TOX4: variants seen among roughly 807,000 people sequenced by gnomAD.
The protein encoded by TOX4 is epidermal Langerhans cell protein LCP1.
In TOX4, 12 loss-of-function variants were observed where a neutral mutation model predicts 61.0. The observed-to-expected ratio is 0.20, with a 90% CI of 0.13 to 0.32. The LOEUF is 0.32. Among genes scored for constraint, TOX4 ranks in the 10% least tolerant of loss-of-function variants. The pLI is 1.00. For synonymous variants in TOX4, 268 were observed against 274.8 expected (o/e 0.98, Z 0.24); for missense variants, 499 against 753.3 (o/e 0.66, Z 3.95).
chr14:21,477,421 G>C, intron 1 of TOX4, 75 bp from the exon 2 acceptor site: 1 of 1,610,222 alleles, frequency 6.2e-7, no homozygotes, highest in East Asian at 2.2e-5. Flanking sequence ...CAGAATGTCA[G>C]GGTCAAAAGC....
intron 8 of TOX4, 81 bp from the exon 9 acceptor site, chr14:21,496,465 C>CAAA: frequency 9.2e-7 from 1 of 1,087,060 alleles, no homozygotes; most frequent in Non-Finnish European, 1.3e-6. Context: ...AGGTCCGTCT[C>CAAA]AAAAAAAAAA....
rs1891006574 is a variant in TOX4, at chr14:21,477,249, G to A, written c.-30G>A. On this transcript the variant is annotated 5_prime_UTR_variant, in exon 1 of 9. Transcript: ENST00000448790. Reference sequence around the variant, plus strand: ...AGTGGGGGCGGTGGGAGCGATGAGGGTCTGAGACGGTGGGAGCGGTTGTGT... The same window carrying A: ...AGTGGGGGCGGTGGGAGCGATGAGGATCTGAGACGGTGGGAGCGGTTGTGT... 5.0e-6 allele frequency: 8 copies of A among 1,613,872 alleles called. No individual in the cohort carries two copies. The highest frequency in any genetic ancestry group is 1.7e-4 in the Middle Eastern group (1 of 6,056).
intron 7 of TOX4, among the ~76,000 whole-genome samples, chr14:21,493,985 G>A (rs574984597): frequency 1.7e-4 from 26 of 152,110 alleles, no homozygotes; most frequent in Admixed American, 5.2e-4. Flanking sequence ...TCCTGACCTC[G>A]TGATTCGCCC....
In TOX4 at chr14:21,498,744, G is replaced by A; in HGVS notation, c.*2138G>A. 1 of 471,184 alleles carries A rather than the reference G, an allele frequency of 2.1e-6. No individual in the cohort carries two copies. Among genetic ancestry groups the A allele is most frequent in the East Asian group, 3.7e-5 (1 of 26,962 alleles). The allele number at this position is 471,184 out of a possible 1,614,324, so 29.2% of individuals were successfully genotyped here. ...AATAGATAACTTCGTAACCACCAGG[G>A]GGCAGATTCAATACATCACAGAATG... is the stretch of plus-strand genomic sequence containing the variant. On this transcript the variant is annotated 3_prime_UTR_variant, in exon 9 of 9. Coordinates refer to ENST00000448790, the MANE Select transcript of TOX4 (RefSeq NM_014828.4).
intron 2 of TOX4, among the ~76,000 whole-genome samples, chr14:21,480,638 A>AT (rs1264743834): frequency 6.6e-5 from 10 of 152,194 alleles, no homozygotes; most frequent in Non-Finnish European, 1.5e-4. Flanking sequence ...AAAATGAATA[A>AT]TTGGACTCCA....
chr14:21,478,952 C>T (rs755098599), intron 2 of TOX4, among the ~76,000 whole-genome samples: 82 of 145,584 alleles, frequency 5.6e-4, no homozygotes, highest in Non-Finnish European at 9.3e-4. Context: ...TACAGGTGTG[C>T]GCCACCACAC....
chr14:21,488,632 C>T lies in TOX4; in HGVS notation c.361C>T (p.Pro121Ser), dbSNP rs1255629839. The change falls in exon 4 of 9, where the codon CCT (proline) becomes TCT (serine). Residue 121 changes from proline to serine, a missense_variant. By Grantham distance (74) the Pro-to-Ser change is moderately conservative. Transcript: ENST00000448790. ...AGGAACTCAGTATAGTGCCAACCCA[C>T]CTGTTACAATTGATGTACCAATGAC... ...SIGTQYSANPPVTIDVPMTDM... is the reference protein window; with the variant it reads ...SIGTQYSANPSVTIDVPMTDM... The T allele has an allele frequency of 6.2e-7, 1 of 1,614,132 alleles. No homozygotes were observed. Among genetic ancestry groups the T allele is most frequent in the East Asian group, 2.2e-5 (1 of 44,884 alleles).
At chr14:21,491,816 C>T (rs561766762) in intron 5 of TOX4, among the ~76,000 whole-genome samples, 126 of 150,540 alleles carry the variant, frequency 8.4e-4, no homozygotes, top group African/African-American at 3.0e-3. Context: ...TCGAGACCAT[C>T]CTGGCTAACA....
rs370198984 is a variant in TOX4 at position 21,477,226 on chromosome 14, T to C, written c.-53T>C. ...GAAGTGACGGCAGTTCCGAGTCCAGTGGGGGCGGTGGGAGCGATGAGGGTC... is the reference window on the plus strand; with the variant it reads ...GAAGTGACGGCAGTTCCGAGTCCAGCGGGGGCGGTGGGAGCGATGAGGGTC... On this transcript the variant is annotated 5_prime_UTR_variant, in exon 1 of 9. Coordinates refer to ENST00000448790, the MANE Select transcript of TOX4 (RefSeq NM_014828.4). 1.9e-4 allele frequency: 303 copies of C among 1,613,662 alleles called. No homozygotes were observed. The highest frequency in any genetic ancestry group is 2.4e-4 in the Non-Finnish European group (285 of 1,179,874).
At chr14:21,478,356 G>C (rs1217263182) in intron 2 of TOX4, among the ~76,000 whole-genome samples, 1 of 152,204 alleles carries the variant, frequency 6.6e-6, no homozygotes, top group Non-Finnish European at 1.5e-5. Flanking sequence ...AGTTGAGTAG[G>C]ACATGTGTTT....
At chr14:21,494,260 A>C (rs969823997) in intron 7 of TOX4, among the ~76,000 whole-genome samples, 5 of 152,190 alleles carry the variant, frequency 3.3e-5, no homozygotes, top group Non-Finnish European at 7.3e-5. Context: ...TGTGTGGGGC[A>C]GGGGGTATAG....
intron 7 of TOX4, among the ~76,000 whole-genome samples, chr14:21,494,857 T>A (rs552114595): frequency 6.6e-6 from 1 of 151,866 alleles, no homozygotes; most frequent in Non-Finnish European, 1.5e-5. Context: ...AGGCAGAGGT[T>A]GCAGTGAGCT....
chr14:21,495,482 G>A (rs1891381068), intron 8 of TOX4, 90 bp downstream of exon 8: 1 of 1,474,448 alleles, frequency 6.8e-7, no homozygotes, highest in African/African-American at 1.4e-5. Flanking sequence ...CAGCATCTCA[G>A]TGTCACCTTA....
intron 7 of TOX4, among the ~76,000 whole-genome samples, chr14:21,494,976 CAG>C (rs1891370381): frequency 7.2e-6 from 1 of 139,108 alleles, no homozygotes; most frequent in Non-Finnish European, 1.6e-5. Flanking sequence ...CCAGGCTTAA[CAG>C]GGAAAAAAAA....
intron 8 of TOX4, chr14:21,496,228 A>G (rs1891396868): frequency 1.1e-5 from 2 of 175,548 alleles, no homozygotes; most frequent in Non-Finnish European, 2.4e-5. Context: ...AAAAAAAAAA[A>G]GATAAAAAGA....
At chr14:21,492,230 G>C (rs1891305365) in intron 5 of TOX4, 66 bp from the exon 6 acceptor site, 2 of 1,395,264 alleles carry the variant, frequency 1.4e-6, no homozygotes, top group Non-Finnish European at 1.0e-6. Context: ...AAATAATACA[G>C]AACTATCAGT....
chr14:21,480,303 T>C lies in TOX4; in HGVS notation c.75+2739T>C, dbSNP rs182678876. The stretch of plus-strand genomic sequence containing the variant: ...TTTTGTGACTTAAGAAATCTTATTT[T>C]ATTTTGCCAAGAAACTGATAGCTAA... On this transcript the variant is annotated intron_variant, in intron 2 of 8. Coordinates refer to ENST00000448790, the MANE Select transcript of TOX4 (RefSeq NM_014828.4). Among the ~76,000 whole-genome samples the C allele has an allele frequency of 7.4e-4, 112 of 152,350 alleles. 1 individual carries two copies. The highest frequency in any genetic ancestry group is 1.2e-4 in the Non-Finnish European group (8 of 68,036).
intron 1 of TOX4, 93 bp downstream of exon 1, chr14:21,477,377 GA>G (rs1291202095): frequency 3.1e-6 from 5 of 1,612,620 alleles, no homozygotes; most frequent in Non-Finnish European, 4.2e-6. Flanking sequence ...CGACTGACGG[GA>G]GAGGAGAGAG....
rs1201196922 is a variant in TOX4, at chr14:21,496,701, C to T, written c.*95C>T. ...ACAAGCTGGGCTTCTGGTAGTGCCTCATCACAACCCATGATGGCTGTTCAT... is the reference window on the plus strand; with the variant it reads ...ACAAGCTGGGCTTCTGGTAGTGCCTTATCACAACCCATGATGGCTGTTCAT... On this transcript the variant is annotated 3_prime_UTR_variant, in exon 9 of 9. Coordinates refer to ENST00000448790, the MANE Select transcript of TOX4 (RefSeq NM_014828.4). The T allele has an allele frequency of 1.9e-6, 2 of 1,040,660 alleles. No homozygotes were observed. Among genetic ancestry groups the T allele is most frequent in the Non-Finnish European group, 3.0e-6 (2 of 676,806 alleles). 64.5% of individuals were successfully genotyped at this position (1,040,660 alleles called of 1,614,324 possible).
Sources: allele counts gnomAD v4.1 joint callset (sites outside exome capture counted in the v4.1 genomes callset), GRCh38; gene constraint gnomAD v4.1.1; transcripts MANE v1.5; gene names NCBI Gene and HGNC (gene_info 2026-07-23, HGNC 2026-07-21).